The following GMEB1 variants were observed in gnomAD, a reference collection of about 807,000 sequenced individuals.
GMEB1 encodes the protein glucocorticoid modulatory element binding protein 1, also known as glucocorticoid modulatory element-binding protein 1.
Under a neutral mutation model 52.4 loss-of-function variants are expected in GMEB1, and 6 were observed. The ratio of observed to expected loss-of-function variants is 0.11; its 90% CI spans 0.06 to 0.23. The LOEUF is 0.23. GMEB1 is among the 10% of genes least tolerant of loss of function. The pLI, the probability that GMEB1 is intolerant of heterozygous loss-of-function variation, is 1.00. For synonymous variants in GMEB1, 255 were observed against 244.9 expected (o/e 1.04, Z -0.38); for missense variants, 486 against 685.6 (o/e 0.71, Z 3.25).
chr1:28,695,766 G>A (rs1670172126), intron 5 of GMEB1, among the ~76,000 whole-genome samples: 1 of 144,542 alleles, frequency 6.9e-6, no homozygotes, highest in African/African-American at 2.5e-5. Context: ...GTGAAACCCC[G>A]TCTCTACTAA....
At chr1:28,694,978 T>C (rs564825391) in intron 5 of GMEB1, among the ~76,000 whole-genome samples, 6 of 147,864 alleles carry the variant, frequency 4.1e-5, no homozygotes, top group African/African-American at 1.5e-4. Context: ...TTTTTTTTTT[T>C]TTTTGAGACA....
Position 28,691,588 on chromosome 1 carries a change from C to T in GMEB1, c.215C>T (p.Thr72Ile). The change falls in exon 4 of 10, where the codon ACA (threonine) becomes ATA (isoleucine). Residue 72 changes from threonine (T) to isoleucine (I), a missense_variant. Coordinates refer to ENST00000373816, the MANE Select transcript of GMEB1 (RefSeq NM_001319674.2). ...TIHKIEEGID[T>I]GTIEANEDME... The stretch of plus-strand genomic sequence containing the variant: ...CTGATATTTTTTCTGTTTTCAGATA[C>T]AGGCACTATAGAAGCAAATGAGGAT... 1 of 1,536,834 alleles carries T rather than the reference C, an allele frequency of 6.5e-7. No homozygotes were observed. The highest frequency in any genetic ancestry group is 1.8e-5 in the Admixed American group (1 of 56,070).
At chr1:28,705,228 A>C (rs1265947603) in intron 8 of GMEB1, among the ~76,000 whole-genome samples, 5 of 151,342 alleles carry the variant, frequency 3.3e-5, no homozygotes, top group African/African-American at 1.2e-4. Flanking sequence ...GTCTCCACTA[A>C]AAATATGAAA....
At chr1:28,692,848 T>A (rs1670028185) in intron 4 of GMEB1, 94 bp from the exon 5 acceptor site, 1 of 606,766 alleles carries the variant, frequency 1.6e-6, no homozygotes, top group South Asian at 2.3e-5. Flanking sequence ...GGGTATTTTT[T>A]ATACAAATGA....
chr1:28,694,108 G>A (rs1670087918), intron 5 of GMEB1, among the ~76,000 whole-genome samples: 1 of 151,678 alleles, frequency 6.6e-6, no homozygotes, highest in East Asian at 1.9e-4. Flanking sequence ...ACTGATTTTG[G>A]CTGTGTTAAG....
At chr1:28,669,961 G>A (rs1668806578) in intron 1 of GMEB1, among the ~76,000 whole-genome samples, 1 of 152,090 alleles carries the variant, frequency 6.6e-6, no homozygotes, top group Non-Finnish European at 1.5e-5. Context: ...CGCAGCCCTG[G>A]ATTCTCTCAA....
chr1:28,682,122 T>A lies in GMEB1; in HGVS notation c.-30-1461T>A, dbSNP rs1365934092. ...ATAAATACAGTGCTCTTACCTATAC[T>A]CTCTTAAGTGACTCTCTCTTTTCAA... is the stretch of plus-strand genomic sequence containing the variant. On this transcript the variant is annotated intron_variant, in intron 1 of 9. Transcript: ENST00000373816. 4.6e-5 allele frequency among the ~76,000 whole-genome samples: 7 copies of A among 152,128 alleles called. No individual in the cohort carries two copies. In the East Asian group the frequency reaches 1.3e-3, roughly 29 times the overall value.
chr1:28,691,585 A>T lies in GMEB1; in HGVS notation c.212A>T (p.Asp71Val). ...TAACTGATATTTTTTCTGTTTTCAGATACAGGCACTATAGAAGCAAATGAG... is the reference window on the plus strand; with the variant it reads ...TAACTGATATTTTTTCTGTTTTCAGTTACAGGCACTATAGAAGCAAATGAG... ...HTIHKIEEGI[D>V]TGTIEANEDM... The change falls in exon 4 of 10, where the codon GAT becomes GTT. Residue 71 changes from aspartate to valine, a missense_variant and splice_region_variant. Coordinates refer to ENST00000373816, the MANE Select transcript of GMEB1 (RefSeq NM_001319674.2). 1 of 1,538,272 alleles carries T rather than the reference A, an allele frequency of 6.5e-7. No individual in the cohort carries two copies. Among genetic ancestry groups the T allele is most frequent in the Non-Finnish European group, 8.8e-7 (1 of 1,130,628 alleles).
intron 3 of GMEB1, 99 bp from the exon 4 acceptor site, chr1:28,691,486 A>C: frequency 1.4e-6 from 1 of 706,970 alleles, no homozygotes; most frequent in Non-Finnish European, 2.1e-6. Context: ...GCAAGAGTGA[A>C]GTATTAGTCC....
chr1:28,684,110 C>T (rs554961397), intron 2 of GMEB1, among the ~76,000 whole-genome samples: 1 of 152,232 alleles, frequency 6.6e-6, no homozygotes, highest in East Asian at 1.9e-4. Flanking sequence ...CTCAAAAGAT[C>T]CTCCCACTTT....
At position 28,715,452 on chromosome 1, in the gene GMEB1, A is replaced by T. The variant is rs1671247250; in HGVS notation, c.*679A>T. 6.7e-6 allele frequency: 1 copy of T among 149,654 alleles called. No individual in the cohort carries two copies. Among genetic ancestry groups the T allele is most frequent in the Non-Finnish European group, 1.5e-5 (1 of 67,966 alleles). 9.3% of individuals were successfully genotyped at this position (149,654 alleles called of 1,614,324 possible). On this transcript the variant is annotated 3_prime_UTR_variant, in exon 10 of 10. Coordinates refer to ENST00000373816, the MANE Select transcript of GMEB1 (RefSeq NM_001319674.2). ...TATCTACTAAAAATACGAAAAAAAA[A>T]TTAGCCGGGTGTGGTGGCGGGAGCC...
chr1:28,717,202 CTTTT>C lies in GMEB1; in HGVS notation c.*2431_*2434del, dbSNP rs970348602. The stretch of plus-strand genomic sequence containing the variant: ...AGGTTGCTGTTTTTTTTTTTTTTTT[CTTTT>C]TGAGATGGAGTCTTGCTCTGTAGCC... On this transcript the variant is annotated 3_prime_UTR_variant, in exon 10 of 10. Transcript: ENST00000373816. 1 of 94,638 alleles carries C rather than the reference CTTTT, an allele frequency of 1.1e-5. No homozygotes were observed. Among genetic ancestry groups the C allele is most frequent in the Non-Finnish European group, 2.2e-5 (1 of 44,774 alleles). The allele number at this position is 94,638 out of a possible 1,614,324, so 5.9% of individuals were successfully genotyped here.
At chr1:28,692,843 T>C in intron 4 of GMEB1, 99 bp from the exon 5 acceptor site, 1 of 586,784 alleles carries the variant, frequency 1.7e-6, no homozygotes, top group Non-Finnish European at 3.0e-6. Context: ...CATCTGGGTA[T>C]TTTTTATACA....
chr1:28,694,491 G>A (rs1670107280), intron 5 of GMEB1, among the ~76,000 whole-genome samples: 1 of 148,060 alleles, frequency 6.8e-6, no homozygotes, highest in Admixed American at 6.9e-5. Context: ...ACCATGCCTG[G>A]CCTAAGATTT....
intron 2 of GMEB1, among the ~76,000 whole-genome samples, chr1:28,685,099 A>G (rs895699646): frequency 1.3e-5 from 2 of 152,200 alleles, no homozygotes; most frequent in Non-Finnish European, 2.9e-5. Flanking sequence ...GGCAACGACC[A>G]TAAATTCTCT....
chr1:28,670,983 G>A (rs1213140596), intron 1 of GMEB1, among the ~76,000 whole-genome samples: 2 of 152,088 alleles, frequency 1.3e-5, no homozygotes, highest in Non-Finnish European at 2.9e-5. Flanking sequence ...GGACTGTAGC[G>A]GGATGACTCC....
At chr1:28,704,394 G>A (rs1215124855) in intron 8 of GMEB1, 65 bp downstream of exon 8, 9 of 1,378,482 alleles carry the variant, frequency 6.5e-6, no homozygotes, top group East Asian at 2.5e-5. Flanking sequence ...GGCAGGTCCT[G>A]TAAGCCTTGC....
Position 28,716,311 on chromosome 1 carries a change from T to C in GMEB1, c.*1538T>C, listed in dbSNP as rs1377538800. On this transcript the variant is annotated 3_prime_UTR_variant, in exon 10 of 10. Transcript: ENST00000373816. ...GGGGCTCCAAGGCCATCATTTTCAT[T>C]GCATGGCTCCAAGAGCAGGGAGTTC... The C allele has an allele frequency of 6.6e-6, 1 of 152,174 alleles. No individual in the cohort carries two copies. Among genetic ancestry groups the C allele is most frequent in the African/African-American group, 2.4e-5 (1 of 41,442 alleles). The allele number at this position is 152,174 out of a possible 1,614,324, so 9.4% of individuals were successfully genotyped here.
intron 8 of GMEB1, among the ~76,000 whole-genome samples, chr1:28,708,532 G>C (rs1340264332): frequency 6.6e-6 from 1 of 151,890 alleles, no homozygotes; most frequent in Non-Finnish European, 1.5e-5. Context: ...TGCAATCTCG[G>C]CTCACTGCAA....
Sources: gnomAD v4.1 joint callset for allele counts (sites outside exome capture counted in the v4.1 genomes callset) on GRCh38, gnomAD v4.1.1 for gene constraint, MANE v1.5 for transcripts, NCBI Gene and HGNC (gene_info 2026-07-23, HGNC 2026-07-21) for gene names.